DNTTIP1: variants seen among roughly 807,000 people sequenced by gnomAD.
DNTTIP1 encodes the protein deoxynucleotidyltransferase terminal interacting protein 1.
Under a neutral mutation model 52.9 loss-of-function variants are expected in DNTTIP1, and 22 were observed. That is an observed-to-expected ratio of 0.42 (90% CI 0.30 to 0.59). The LOEUF (loss-of-function observed/expected upper bound fraction) is 0.59. Among genes scored for constraint, DNTTIP1 ranks in the 20% least tolerant of loss-of-function variants. DNTTIP1 has a pLI of 0.22. For missense variants in DNTTIP1, 286 were observed against 435.5 expected (o/e 0.66, Z 3.06); for synonymous variants, 136 against 155.1 (o/e 0.88, Z 0.92).
At chr20:45,803,419 G>T in intron 8 of DNTTIP1, 41 bp downstream of exon 8, 1 of 1,611,792 alleles carries the variant, frequency 6.2e-7, no homozygotes, top group South Asian at 1.1e-5. Flanking sequence ...GATCCCAGGA[G>T]ATAGTCCCAC....
Position 45,801,605 on chromosome 20 carries a change from A to G in DNTTIP1, c.498+147A>G, listed in dbSNP as rs976682471. 6.4e-6 allele frequency: 5 copies of G among 778,026 alleles called. No individual in the cohort carries two copies. The African/African-American group carries it at 8.7e-5, about 14-fold the overall frequency. The allele number at this position is 778,026 out of a possible 1,614,324, so 48.2% of individuals were successfully genotyped here. A position where few individuals can be genotyped will look rare whatever the true frequency, so the allele number is the denominator to read the frequency against. On this transcript the variant is annotated intron_variant, in intron 6 of 12. Coordinates refer to ENST00000372622, the MANE Select transcript of DNTTIP1 (RefSeq NM_052951.3). ...GAGTTTTGAGACCAGTCTGGGTAAC[A>G]TAGTGAGACCCTGTCTCTAAAATAA...
chr20:45,801,902 T>C lies in DNTTIP1; in HGVS notation c.499-97T>C, dbSNP rs553678868. 1,704 of 1,214,990 alleles carry C rather than the reference T, an allele frequency of 1.4e-3. 1 individual carries two copies. The highest frequency in any genetic ancestry group is 2.0e-3 in the Non-Finnish European group (1,593 of 816,662). 75.3% of individuals were successfully genotyped at this position (1,214,990 alleles called of 1,614,324 possible). A position where few individuals can be genotyped will look rare whatever the true frequency, so the allele number is the denominator to read the frequency against. ...TCCCTGTCAAACATCATTTGATCTCTTTGGAAAACCATCTCTGCCAAGTGA... is the reference window on the plus strand; with the variant it reads ...TCCCTGTCAAACATCATTTGATCTCCTTGGAAAACCATCTCTGCCAAGTGA... On this transcript the variant is annotated intron_variant, in intron 6 of 12. Transcript: ENST00000372622.
chr20:45,801,628 T>C (rs1421850554), intron 6 of DNTTIP1, among the ~76,000 whole-genome samples, 170 bp downstream of exon 6: 2 of 149,226 alleles, frequency 1.3e-5, no homozygotes, highest in African/African-American at 4.9e-5. Context: ...GTCTCTAAAA[T>C]AAAAAAAAAA....
chr20:45,795,672 G>C (rs113250953), intron 4 of DNTTIP1, among the ~76,000 whole-genome samples: 2,559 of 152,250 alleles, frequency 0.017, 73 homozygotes, highest in African/African-American at 0.058. Context: ...GGTGGTGCAC[G>C]CCTATAATCC....
chr20:45,792,869 G>A, intron 2 of DNTTIP1, 122 bp downstream of exon 2: 1 of 787,476 alleles, frequency 1.3e-6, no homozygotes, highest in Non-Finnish European at 1.9e-6. Context: ...GACTGAGGAA[G>A]AGGAGACTCC....
intron 4 of DNTTIP1, among the ~76,000 whole-genome samples, chr20:45,799,579 C>T (rs1025820526): frequency 1.3e-5 from 2 of 152,236 alleles, no homozygotes; most frequent in East Asian, 3.8e-4. Flanking sequence ...ACCTTCTGAG[C>T]AAGGCCTTCC....
chr20:45,800,206 G>T (rs766010678), intron 4 of DNTTIP1, among the ~76,000 whole-genome samples: 1 of 151,986 alleles, frequency 6.6e-6, no homozygotes, highest in Admixed American at 6.6e-5. Context: ...CATACAGTAT[G>T]TATTTACATG....
In DNTTIP1 at chr20:45,802,033, G is replaced by GC; in HGVS notation, c.534dup (p.Asp179ArgfsTer15). ...CGGCCTCCTGGACACATCCTGTCAA[G>GC]CGACCGGGCAGCCGCCGGCATGGTG... On this transcript the variant is annotated frameshift_variant, in exon 7 of 13. Transcript: ENST00000372622. LOFTEE classifies it high-confidence loss of function. 1 of 1,614,180 alleles carries GC rather than the reference G, an allele frequency of 6.2e-7. No homozygotes were observed. Among genetic ancestry groups the GC allele is most frequent in the Admixed American group, 1.7e-5 (1 of 60,028 alleles).
intron 7 of DNTTIP1, 65 bp from the exon 8 acceptor site, chr20:45,803,268 C>G (rs1455980388): frequency 6.5e-7 from 1 of 1,534,612 alleles, no homozygotes; most frequent in Non-Finnish European, 9.0e-7. Flanking sequence ...CCACCACCAG[C>G]AAGCTGGCAT....
In DNTTIP1 at chr20:45,802,069, C is replaced by G. The variant is rs199577746; in HGVS notation, c.557+12C>G. ...GCCGCCGGCATGGTGTGAGTAGGGACCAACAGTGTGGTGAGAGCATAGGGG... is the reference window on the plus strand; with the variant it reads ...GCCGCCGGCATGGTGTGAGTAGGGAGCAACAGTGTGGTGAGAGCATAGGGG... On this transcript the variant is annotated intron_variant, in intron 7 of 12. Transcript: ENST00000372622. 19 of 1,613,818 alleles carry G rather than the reference C, an allele frequency of 1.2e-5. No homozygotes were observed. The highest frequency in any genetic ancestry group is 1.7e-5 in the Admixed American group (1 of 59,996).
intron 4 of DNTTIP1, among the ~76,000 whole-genome samples, chr20:45,797,519 G>T (rs1981281709): frequency 6.6e-6 from 1 of 152,280 alleles, no homozygotes; most frequent in Admixed American, 6.5e-5. Flanking sequence ...CACAGCAAAA[G>T]AAATGACCAT....
Position 45,809,062 on chromosome 20 carries a change from G to A in DNTTIP1, c.724-52G>A, listed in dbSNP as rs1709445827. On this transcript the variant is annotated intron_variant, in intron 10 of 12. Transcript: ENST00000372622. This position sits in a 1 kb window ranked among gnomAD's most constrained non-coding sequence, Gnocchi z 4.2. ...CCAAGAGTATGCTCTGGGACCAAATGAGAAAAGCCCCTTACCCGAGGCTAA... is the reference window on the plus strand; with the variant it reads ...CCAAGAGTATGCTCTGGGACCAAATAAGAAAAGCCCCTTACCCGAGGCTAA... The A allele has an allele frequency of 6.5e-7, 1 of 1,528,188 alleles. No homozygotes were observed. The highest frequency in any genetic ancestry group is 1.7e-5 in the Admixed American group (1 of 59,662). 94.7% of individuals were successfully genotyped at this position (1,528,188 alleles called of 1,614,324 possible). A position where few individuals can be genotyped will look rare whatever the true frequency, so the allele number is the denominator to read the frequency against.
chr20:45,793,032 G>A (rs1981088877), intron 2 of DNTTIP1, among the ~76,000 whole-genome samples: 1 of 152,230 alleles, frequency 6.6e-6, no homozygotes, highest in South Asian at 2.1e-4. Flanking sequence ...GGGCTCTAAA[G>A]AGGTCAGTTA....
At chr20:45,801,177 G>A in intron 5 of DNTTIP1, 35 bp downstream of exon 5, 1 of 1,602,786 alleles carries the variant, frequency 6.2e-7, no homozygotes, top group Non-Finnish European at 8.5e-7. Flanking sequence ...ATTGGAGCGG[G>A]AGGTCCTTCA....
chr20:45,805,910 C>A (rs1330559413), intron 10 of DNTTIP1, among the ~76,000 whole-genome samples: 1 of 151,820 alleles, frequency 6.6e-6, no homozygotes, highest in Non-Finnish European at 1.5e-5. Flanking sequence ...ATGGAGAAAC[C>A]CTGTCTCTAC....
intron 4 of DNTTIP1, among the ~76,000 whole-genome samples, chr20:45,800,445 A>T (rs1408181843): frequency 6.6e-6 from 1 of 151,564 alleles, no homozygotes; most frequent in East Asian, 1.9e-4. Context: ...AGGCCAAGGC[A>T]GGTGGATCAC....
At chr20:45,802,174 A>G in intron 7 of DNTTIP1, 117 bp downstream of exon 7, 1 of 1,113,568 alleles carries the variant, frequency 9.0e-7, no homozygotes, top group Non-Finnish European at 1.3e-6. Context: ...AGCTTAAGTC[A>G]TCGTGGAGGG....
rs1284688706 is a variant in DNTTIP1 at position 45,792,003 on chromosome 20, C to A, written c.-2C>A. 1 of 1,258,086 alleles carries A rather than the reference C, an allele frequency of 7.9e-7. No individual in the cohort carries two copies. The allele number at this position is 1,258,086 out of a possible 1,614,324, so 77.9% of individuals were successfully genotyped here. A position where few individuals can be genotyped will look rare whatever the true frequency, so the allele number is the denominator to read the frequency against. ...AGCGGAGTTGTGGGGGCCGGGGGCGCCATGGGAGCCACTGGCGACGCCGAG... is the reference window on the plus strand; with the variant it reads ...AGCGGAGTTGTGGGGGCCGGGGGCGACATGGGAGCCACTGGCGACGCCGAG... On this transcript the variant is annotated 5_prime_UTR_variant, in exon 1 of 13. Coordinates refer to ENST00000372622, the MANE Select transcript of DNTTIP1 (RefSeq NM_052951.3).
intron 9 of DNTTIP1, 46 bp from the exon 10 acceptor site, chr20:45,805,260 G>A (rs372852885): frequency 7.4e-6 from 12 of 1,613,908 alleles, no homozygotes; most frequent in Admixed American, 6.7e-5. Context: ...TTCACTAGTA[G>A]GACTACACTT....
Sources: allele counts gnomAD v4.1 joint callset (sites outside exome capture counted in the v4.1 genomes callset), GRCh38; gene constraint gnomAD v4.1.1; non-coding constraint Gnocchi (gnomAD v3.1); transcripts MANE v1.5; gene names NCBI Gene and HGNC (gene_info 2026-07-23, HGNC 2026-07-21).